UBXN2B: variants seen among roughly 807,000 people sequenced by gnomAD.
UBXN2B encodes the protein UBX domain protein 2B, also known as UBX domain-containing protein 2B.
In UBXN2B, 19 loss-of-function variants were observed where a neutral mutation model predicts 37.5. The ratio of observed to expected loss-of-function variants is 0.51; its 90% CI spans 0.35 to 0.74. UBXN2B has a LOEUF of 0.74. Ranked by LOEUF, UBXN2B falls within the 30% of genes least tolerant of loss-of-function variation. UBXN2B has a pLI of 0.01. For synonymous variants in UBXN2B, 145 were observed against 143.8 expected, an observed-to-expected ratio of 1.01 and a Z score of -0.06; for missense variants, 370 against 393.2, an observed-to-expected ratio of 0.94 and a Z score of 0.50.
intron 4 of UBXN2B, 86 bp downstream of exon 4, chr8:58,433,329 A>G: frequency 9.0e-7 from 1 of 1,112,100 alleles, no homozygotes; most frequent in South Asian, 1.6e-5. Context: ...AATTGATAAT[A>G]CAAATATATT....
In UBXN2B at chr8:58,449,307, A is replaced by T. The variant is rs1196822635; in HGVS notation, c.*1756A>T. On this transcript the variant is annotated 3_prime_UTR_variant, in exon 8 of 8. Coordinates refer to ENST00000399598, the MANE Select transcript of UBXN2B (RefSeq NM_001077619.2). ...TTCTTGCCTACTACAGTTCCCACCC[A>T]CCCCCCGCTCCACTCCTGTGTTAAA... 1 of 139,524 alleles carries T rather than the reference A, an allele frequency of 7.2e-6. No individual in the cohort carries two copies. Among genetic ancestry groups the T allele is most frequent in the African/African-American group, 2.7e-5 (1 of 37,180 alleles). 8.6% of individuals were successfully genotyped at this position (139,524 alleles called of 1,614,324 possible).
At position 58,447,521 on chromosome 8, in the gene UBXN2B, TAA is replaced by T; in HGVS notation, c.967_968del (p.Asn323HisfsTer17). 6.2e-7 allele frequency: 1 copy of T among 1,612,308 alleles called. No individual in the cohort carries two copies. Among genetic ancestry groups the T allele is most frequent in the Non-Finnish European group, 8.5e-7 (1 of 1,178,952 alleles). On this transcript the variant is annotated frameshift_variant, in exon 8 of 8. Transcript: ENST00000399598. LOFTEE classifies it high-confidence loss of function. ...TGACACTGCTAGAAGCAGATATTCT[TAA>T]CACTGTGTTACTCCAGCAACTAAAA... The part of the protein sequence containing the change: ...SLTLLEADIL[N>X]TVLLQQLK
chr8:58,437,602 C>T (rs748755767), intron 5 of UBXN2B, among the ~76,000 whole-genome samples: 27 of 152,050 alleles, frequency 1.8e-4, no homozygotes, highest in Non-Finnish European at 2.9e-4. Context: ...GGATTACAGG[C>T]GTAAGCCACC....
intron 1 of UBXN2B, among the ~76,000 whole-genome samples, chr8:58,416,081 G>A (rs888109905): frequency 6.0e-5 from 9 of 150,046 alleles, no homozygotes; most frequent in African/African-American, 2.0e-4. Flanking sequence ...AAAAAAAACC[G>A]GAGATTATGG....
At chr8:58,417,043 A>T (rs1317198757) in intron 2 of UBXN2B, 90 bp downstream of exon 2, 1 of 1,022,946 alleles carries the variant, frequency 9.8e-7, no homozygotes. Flanking sequence ...GCCTTCTTCA[A>T]GGTTTCTTCA....
chr8:58,423,079 AATCATCATC>A (rs35213875), intron 2 of UBXN2B, among the ~76,000 whole-genome samples: 4,164 of 149,034 alleles, frequency 0.028, 204 homozygotes, highest in East Asian at 0.22. Context: ...GGTGAGACGA[AATCATCATC>A]ATCATCATCA....
intron 2 of UBXN2B, among the ~76,000 whole-genome samples, chr8:58,421,724 T>C (rs1723845306): frequency 6.6e-6 from 1 of 152,152 alleles, no homozygotes; most frequent in South Asian, 2.1e-4. Context: ...TTCCATCCCA[T>C]GTAAAGTAAC....
Position 58,451,424 on chromosome 8 carries a change from A to G in UBXN2B, c.*3873A>G, listed in dbSNP as rs1808797819. 6.6e-6 allele frequency: 1 copy of G among 152,236 alleles called. No homozygotes were observed. The highest frequency in any genetic ancestry group is 6.5e-5 in the Admixed American group (1 of 15,286). The allele number at this position is 152,236 out of a possible 1,614,324, so 9.4% of individuals were successfully genotyped here. The stretch of plus-strand genomic sequence containing the variant: ...TGAACAGACAACCATCTGTGAGGTC[A>G]GTCATTTTGCATGATGTATGTAATC... On this transcript the variant is annotated 3_prime_UTR_variant, in exon 8 of 8. Coordinates refer to ENST00000399598, the MANE Select transcript of UBXN2B (RefSeq NM_001077619.2).
intron 2 of UBXN2B, among the ~76,000 whole-genome samples, chr8:58,418,528 G>C (rs1361025823): frequency 6.6e-6 from 1 of 152,094 alleles, no homozygotes; most frequent in Admixed American, 6.5e-5. Flanking sequence ...GTAGATCACT[G>C]TTTCCTCATG....
At chr8:58,414,968 C>T (rs1807735452) in intron 1 of UBXN2B, among the ~76,000 whole-genome samples, 1 of 151,850 alleles carries the variant, frequency 6.6e-6, no homozygotes, top group Admixed American at 6.6e-5. Context: ...CAAATATAAC[C>T]CCAATTTAAA....
chr8:58,444,962 T>G (rs189288965), intron 6 of UBXN2B, among the ~76,000 whole-genome samples: 83 of 152,290 alleles, frequency 5.5e-4, no homozygotes, highest in African/African-American at 2.0e-3. Context: ...CTCATAGAAC[T>G]TTTATACTAG....
chr8:58,415,947 C>G (rs1342519900), intron 1 of UBXN2B, among the ~76,000 whole-genome samples: 1 of 151,280 alleles, frequency 6.6e-6, no homozygotes, highest in Non-Finnish European at 1.5e-5. Context: ...CCCCAATGCC[C>G]TGTTCTTCTT....
chr8:58,437,318 CTTTTTT>C (rs773987509), intron 5 of UBXN2B, among the ~76,000 whole-genome samples: 112 of 74,264 alleles, frequency 1.5e-3, no homozygotes, highest in African/African-American at 5.2e-3. Flanking sequence ...GAAGAAATTT[CTTTTTT>C]TTTTTTTTTT....
chr8:58,416,575 C>A (rs1188035737), intron 1 of UBXN2B, among the ~76,000 whole-genome samples: 1 of 151,994 alleles, frequency 6.6e-6, no homozygotes, highest in Non-Finnish European at 1.5e-5. Flanking sequence ...TGGTTTGTTA[C>A]CTAAAACAGA....
At chr8:58,428,236 AATC>A (rs1808155171) in intron 2 of UBXN2B, among the ~76,000 whole-genome samples, 2 of 152,186 alleles carry the variant, frequency 1.3e-5, no homozygotes, top group African/African-American at 4.8e-5. Flanking sequence ...AGGTTTGGGT[AATC>A]ATCATTAGGA....
At chr8:58,444,776 AT>A (rs1274439294) in intron 6 of UBXN2B, among the ~76,000 whole-genome samples, 5 of 152,182 alleles carry the variant, frequency 3.3e-5, no homozygotes, top group Admixed American at 1.3e-4. Flanking sequence ...CCTTATGTAT[AT>A]TTTTATGTAT....
chr8:58,422,131 T>G (rs1807943489), intron 2 of UBXN2B, among the ~76,000 whole-genome samples: 1 of 152,236 alleles, frequency 6.6e-6, no homozygotes, highest in Non-Finnish European at 1.5e-5. Context: ...TGAACTGGAA[T>G]CTTTTTCTTT....
At chr8:58,444,303 A>G (rs976200926) in intron 6 of UBXN2B, among the ~76,000 whole-genome samples, 1 of 152,222 alleles carries the variant, frequency 6.6e-6, no homozygotes, top group Non-Finnish European at 1.5e-5. Flanking sequence ...TGCCAACTAT[A>G]TAAAAGCACC....
intron 6 of UBXN2B, among the ~76,000 whole-genome samples, chr8:58,441,505 C>T (rs1274173252): frequency 6.6e-6 from 1 of 151,836 alleles, no homozygotes; most frequent in African/African-American, 2.4e-5. Context: ...GCCTAGTCAT[C>T]TCTTCAATAT....
Sources: gnomAD v4.1 joint callset for allele counts (sites outside exome capture counted in the v4.1 genomes callset) on GRCh38, gnomAD v4.1.1 for gene constraint, MANE v1.5 for transcripts, NCBI Gene and HGNC (gene_info 2026-07-23, HGNC 2026-07-21) for gene names.